Variants in TEC observed in about 807,000 individuals in gnomAD.
The protein encoded by TEC is tec protein tyrosine kinase, also known as tyrosine-protein kinase Tec.
A neutral mutation model predicts 93.0 loss-of-function variants in TEC; 72 were observed. That is an observed-to-expected ratio of 0.77 (90% CI 0.64 to 0.94). TEC has a LOEUF of 0.94. Among genes scored for constraint, TEC ranks in the 40% least tolerant of loss-of-function variants. The pLI, the probability that TEC is intolerant of heterozygous loss-of-function variation, is 0.00. For synonymous variants in TEC, 249 were observed against 247.7 expected, an observed-to-expected ratio of 1.01 and a Z score of -0.05; for missense variants, 630 against 757.9, an observed-to-expected ratio of 0.83 and a Z score of 1.98.
chr4:48,256,793 G>A (rs986166571), intron 1 of TEC, among the ~76,000 whole-genome samples: 1 of 152,098 alleles, frequency 6.6e-6, no homozygotes, highest in African/African-American at 2.4e-5. Flanking sequence ...GGCATAGGCA[G>A]GGAAAATAAG....
chr4:48,191,784 A>T (rs13136179), intron 2 of TEC, among the ~76,000 whole-genome samples: 100,099 of 151,610 alleles, frequency 0.66, 33,113 homozygotes, highest in Admixed American at 0.75. Context: ...TACAAAAAAA[A>T]TTTAAAAATT....
Position 48,136,815 on chromosome 4 carries a change from T to C in TEC, c.*601A>G, listed in dbSNP as rs1038518515. ...AAAGACAATTCGTGTTTCTCATAAA[T>C]ATATAACTTTATATATTATATATAT... is the stretch of plus-strand genomic sequence containing the variant. On this transcript the variant is annotated 3_prime_UTR_variant, in exon 18 of 18. Coordinates refer to ENST00000381501, the MANE Select transcript of TEC (RefSeq NM_003215.3). 6.6e-6 allele frequency: 1 copy of C among 151,702 alleles called. No homozygotes were observed. Among genetic ancestry groups the C allele is most frequent in the Non-Finnish European group, 1.5e-5 (1 of 67,948 alleles). The allele number at this position is 151,702 out of a possible 1,614,324, so 9.4% of individuals were successfully genotyped here.
At chr4:48,262,201 C>CTTTTTTTTTTTTTTTTTT (rs10659576) in intron 1 of TEC, among the ~76,000 whole-genome samples, 1,468 of 80,136 alleles carry the variant, frequency 0.018, 280 homozygotes, top group Middle Eastern at 0.058. Context: ...CCAAATGTCT[C>CTTTTTTTTTTTTTTTTTT]TTTTTTTTTT....
intron 3 of TEC, 119 bp from the exon 4 acceptor site, chr4:48,171,568 T>C (rs1167949470): frequency 6.1e-6 from 4 of 660,844 alleles, no homozygotes; most frequent in Admixed American, 7.0e-5. Context: ...TGAAAGTCAA[T>C]AACTTCATAT....
At chr4:48,207,887 G>A (rs1182889942) in intron 2 of TEC, among the ~76,000 whole-genome samples, 6 of 152,174 alleles carry the variant, frequency 3.9e-5, no homozygotes. Context: ...ATAGGAAAAG[G>A]ATTTTTTAAA....
intron 2 of TEC, among the ~76,000 whole-genome samples, chr4:48,199,086 G>A (rs1329901802): frequency 6.6e-6 from 1 of 152,202 alleles, no homozygotes; most frequent in Non-Finnish European, 1.5e-5. Flanking sequence ...TGAAGAAACT[G>A]AGACTTAGAA....
intron 2 of TEC, among the ~76,000 whole-genome samples, chr4:48,177,062 G>A (rs1721362471): frequency 6.6e-6 from 1 of 151,894 alleles, no homozygotes; most frequent in Non-Finnish European, 1.5e-5. Flanking sequence ...CCTGCCTGCT[G>A]TAGATCTGCC....
chr4:48,238,342 G>A (rs1172238171), intron 1 of TEC, among the ~76,000 whole-genome samples: 2 of 152,160 alleles, frequency 1.3e-5, no homozygotes, highest in Admixed American at 6.5e-5. Flanking sequence ...AGGCTATAAC[G>A]TTTTGAGTAT....
intron 2 of TEC, among the ~76,000 whole-genome samples, chr4:48,176,820 T>C (rs973169912): frequency 1.2e-4 from 18 of 152,180 alleles, no homozygotes; most frequent in African/African-American, 3.4e-4. Flanking sequence ...TTCTTGATGA[T>C]AGTCCCCAAA....
At chr4:48,231,757 A>G (rs1184532104) in intron 1 of TEC, among the ~76,000 whole-genome samples, 1 of 150,990 alleles carries the variant, frequency 6.6e-6, no homozygotes, top group Non-Finnish European at 1.5e-5. Context: ...ACTCCGTCTG[A>G]AAAAAAAACA....
At chr4:48,244,583 C>A (rs1724006756) in intron 1 of TEC, among the ~76,000 whole-genome samples, 1 of 152,216 alleles carries the variant, frequency 6.6e-6, no homozygotes, top group South Asian at 2.1e-4. Context: ...ACAGCCAAAT[C>A]ATATCAAACC....
chr4:48,218,553 C>T (rs932659344), intron 2 of TEC, among the ~76,000 whole-genome samples: 19 of 152,160 alleles, frequency 1.2e-4, no homozygotes, highest in Non-Finnish European at 2.1e-4. Flanking sequence ...ACACCAACTC[C>T]CCAGAACCCT....
At chr4:48,183,925 G>C in intron 2 of TEC, among the ~76,000 whole-genome samples, 1 of 152,126 alleles carries the variant, frequency 6.6e-6, no homozygotes, top group Non-Finnish European at 1.5e-5. Context: ...GAGGCTATGA[G>C]ACTGGCTAAG....
intron 1 of TEC, among the ~76,000 whole-genome samples, chr4:48,269,269 G>A (rs747991380): frequency 7.2e-5 from 11 of 152,244 alleles, no homozygotes; most frequent in Admixed American, 1.3e-4. Flanking sequence ...CATGTGCCAT[G>A]TTGGTGTGCT....
intron 1 of TEC, among the ~76,000 whole-genome samples, chr4:48,246,857 A>C (rs1724069823): frequency 6.6e-6 from 1 of 152,226 alleles, no homozygotes; most frequent in South Asian, 2.1e-4. Flanking sequence ...TGGTTTCTTA[A>C]ATATGACATC....
chr4:48,186,284 C>G (rs1007505866), intron 2 of TEC, among the ~76,000 whole-genome samples: 3 of 152,184 alleles, frequency 2.0e-5, no homozygotes, highest in Non-Finnish European at 4.4e-5. Context: ...GCCACCCCGT[C>G]TGGGAAGTGA....
chr4:48,206,749 TG>T (rs1215514017), intron 2 of TEC, among the ~76,000 whole-genome samples: 2 of 128,820 alleles, frequency 1.6e-5, no homozygotes, highest in African/African-American at 6.0e-5. Flanking sequence ...AAGACCAGCC[TG>T]GGCAATATAA....
chr4:48,150,407 C>T (rs192354426), intron 10 of TEC, among the ~76,000 whole-genome samples: 15 of 152,258 alleles, frequency 9.9e-5, no homozygotes, highest in Admixed American at 7.8e-4. Flanking sequence ...CTTGGGAGAG[C>T]GTTCATGACT....
chr4:48,202,553 GA>G (rs909647241), intron 2 of TEC, among the ~76,000 whole-genome samples: 145 of 147,502 alleles, frequency 9.8e-4, no homozygotes, highest in African/African-American at 3.2e-3. Flanking sequence ...GTGGCAGAAG[GA>G]AAAAAAAAAT....
Sources: allele counts gnomAD v4.1 joint callset (sites outside exome capture counted in the v4.1 genomes callset), GRCh38; gene constraint gnomAD v4.1.1; transcripts MANE v1.5; gene names NCBI Gene and HGNC (gene_info 2026-07-23, HGNC 2026-07-21).